The following LYST variants were observed in gnomAD, a reference collection of about 807,000 sequenced individuals.
The protein encoded by LYST is lysosomal trafficking regulator, also known as lysosomal-trafficking regulator.
LYST carries 192 observed loss-of-function variants against 413.6 expected under a neutral mutation model. The ratio of observed to expected loss-of-function variants is 0.46; its 90% CI spans 0.41 to 0.52. LYST has a LOEUF of 0.52. Among genes scored for constraint, LYST ranks in the 20% least tolerant of loss-of-function variants. The pLI is 0.00. For synonymous variants in LYST, 1,525 were observed against 1,567.3 expected (o/e 0.97, Z 0.64); for missense variants, 3,815 against 4,499.9 (o/e 0.85, Z 4.35).
At chr1:235,803,502 A>G (rs1446867748) in intron 7 of LYST, among the ~76,000 whole-genome samples, 1 of 152,064 alleles carries the variant, frequency 6.6e-6, no homozygotes, top group East Asian at 1.9e-4. Context: ...CAGACAAGAC[A>G]TTTTTTTCAA....
At chr1:235,822,754 C>A (rs971315317) in intron 3 of LYST, among the ~76,000 whole-genome samples, 7 of 152,228 alleles carry the variant, frequency 4.6e-5, no homozygotes, top group Non-Finnish European at 8.8e-5. Context: ...CTGAGCTCAA[C>A]TTGTGACTAG....
In LYST at chr1:235,738,507, T is replaced by C. The variant is rs1665021723; in HGVS notation, c.8358+2915A>G. On this transcript the variant is annotated intron_variant, in intron 31 of 52. Transcript: ENST00000389793. The stretch of plus-strand genomic sequence containing the variant: ...TGGTTGCAATCTGGACTCAGCCCAA[T>C]TCCGTTACCCAATGGGGGAAAGGCT... 12 of 1,611,974 alleles carry C rather than the reference T, an allele frequency of 7.4e-6. No homozygotes were observed. The South Asian group carries it at 8.8e-5, about 12-fold the overall frequency.
chr1:235,764,076 A>T (rs912821828), intron 21 of LYST, among the ~76,000 whole-genome samples: 8 of 152,056 alleles, frequency 5.3e-5, no homozygotes, highest in African/African-American at 1.9e-4. Context: ...CAGCAACACC[A>T]CTTTCTCCTA....
chr1:235,771,698 C>G (rs1055000337), intron 19 of LYST, among the ~76,000 whole-genome samples: 2 of 151,950 alleles, frequency 1.3e-5, no homozygotes, highest in African/African-American at 4.8e-5. Flanking sequence ...ATGAATACCA[C>G]AAAATCCAGA....
chr1:235,692,452 C>T (rs1189952917), intron 47 of LYST, among the ~76,000 whole-genome samples: 2 of 151,858 alleles, frequency 1.3e-5, no homozygotes, highest in African/African-American at 2.4e-5. Flanking sequence ...GTGATCTTGG[C>T]TCACTGCAAC....
chr1:235,720,014 A>C (rs1663210642), intron 40 of LYST, among the ~76,000 whole-genome samples: 1 of 151,842 alleles, frequency 6.6e-6, no homozygotes, highest in East Asian at 1.9e-4. Flanking sequence ...TGTCTCTACT[A>C]AAAATACAAA....
intron 38 of LYST, among the ~76,000 whole-genome samples, chr1:235,725,182 C>T (rs1663747003): frequency 6.6e-6 from 1 of 152,148 alleles, no homozygotes; most frequent in Non-Finnish European, 1.5e-5. Flanking sequence ...GCCTGTAATC[C>T]CAGCACTTTG....
At chr1:235,694,730 C>A (rs1258676119) in intron 46 of LYST, among the ~76,000 whole-genome samples, 1 of 152,136 alleles carries the variant, frequency 6.6e-6, no homozygotes, top group African/African-American at 2.4e-5. Context: ...AAAGGAACCA[C>A]ATATCATGAG....
chr1:235,872,080 G>C lies in LYST; in HGVS notation n.454+11107C>G, dbSNP rs562157954. Among the ~76,000 whole-genome samples, 15 of 152,232 alleles carry C rather than the reference G, an allele frequency of 9.9e-5. No homozygotes were observed. In the East Asian group the frequency reaches 2.7e-3, roughly 27 times the overall value. On this transcript the variant is annotated intron_variant and non_coding_transcript_variant, in intron 1 of 11. Transcript: ENST00000465349. ...GGAGGCTGAGGCGGGTGGATCACCG[G>C]AAGTCAGGAGTTCGTGACCAGCCTG...
intron 42 of LYST, chr1:235,712,576 G>C: frequency 1.0e-6 from 1 of 977,058 alleles, no homozygotes; most frequent in Non-Finnish European, 1.2e-6. Flanking sequence ...GAATAATGAA[G>C]AAGGAAGATT....
intron 50 of LYST, among the ~76,000 whole-genome samples, chr1:235,675,740 A>G (rs929143871): frequency 6.6e-6 from 1 of 152,178 alleles, no homozygotes; most frequent in African/African-American, 2.4e-5. Flanking sequence ...TGTTTTACTG[A>G]GTTCTGTGAG....
chr1:235,755,500 G>A lies in LYST; in HGVS notation c.7207C>T (p.Arg2403Ter), dbSNP rs1243690370. Residue 2403 changes from arginine (R) to a stop codon, truncating the protein, a stop_gained, in exon 25 of 53, where the codon CGA becomes TGA. Coordinates refer to ENST00000389793, the MANE Select transcript of LYST (RefSeq NM_000081.4). LOFTEE classifies it high-confidence loss of function. ...TACTCTTCATCAAGGCCAATATGTC[G>A]ACCAAAGAACATTTCGATGAAGCAT... Reference protein sequence around the residue: ...LECFIEMFFGRHIGLDEEFDL... With the variant: ...LECFIEMFFG 3 of 1,613,636 alleles carry A rather than the reference G, an allele frequency of 1.9e-6. No individual in the cohort carries two copies. Among genetic ancestry groups the A allele is most frequent in the South Asian group, 2.2e-5 (2 of 91,040 alleles).
At chr1:235,723,852 C>A (rs1663610209) in intron 39 of LYST, among the ~76,000 whole-genome samples, 176 bp downstream of exon 39, 1 of 152,204 alleles carries the variant, frequency 6.6e-6, no homozygotes, top group Non-Finnish European at 1.5e-5. Context: ...CAGAATTTAC[C>A]TCACTGTGGA....
rs1159881571 is a variant in LYST, at chr1:235,731,297, A to T, written c.8802-120T>A. ...ACTGATCTGTTAATTTAAAAACTCC[A>T]AATGTTTATATATTTGATCAGGGAA... On this transcript the variant is annotated intron_variant, in intron 34 of 52. Transcript: ENST00000389793. 2.7e-5 allele frequency: 23 copies of T among 854,502 alleles called. No homozygotes were observed. In the South Asian group the frequency reaches 3.1e-4, roughly 11 times the overall value. 52.9% of individuals were successfully genotyped at this position (854,502 alleles called of 1,614,324 possible). A position where few individuals can be genotyped will look rare whatever the true frequency, so the allele number is the denominator to read the frequency against.
At chr1:235,798,293 T>C (rs1671776059) in intron 10 of LYST, among the ~76,000 whole-genome samples, 1 of 152,058 alleles carries the variant, frequency 6.6e-6, no homozygotes, top group African/African-American at 2.4e-5. Context: ...ATCTGAATTA[T>C]GGACTTCAGT....
In LYST at chr1:235,674,403, A is replaced by G. The variant is rs1659209359; in HGVS notation, c.11038+2688T>C. Among the ~76,000 whole-genome samples the G allele has an allele frequency of 8.4e-6, 1 of 119,612 alleles. No individual in the cohort carries two copies. Among genetic ancestry groups the G allele is most frequent in the Non-Finnish European group, 1.6e-5 (1 of 62,612 alleles). The allele number at this position is 119,612 out of a possible 152,430, so 78.5% of individuals were successfully genotyped here. A position where few individuals can be genotyped will look rare whatever the true frequency, so the allele number is the denominator to read the frequency against. On this transcript the variant is annotated intron_variant, in intron 50 of 52. Coordinates refer to ENST00000389793, the MANE Select transcript of LYST (RefSeq NM_000081.4). The surrounding 1 kb of genome is among the most constrained non-coding windows in gnomAD (Gnocchi z 4.1). Reference sequence around the variant, plus strand: ...TCAACCAAATAGAAAGAACAATCGTAAAAAAAAAAAAAAAAGTGTCCCCCT... The same window carrying G: ...TCAACCAAATAGAAAGAACAATCGTGAAAAAAAAAAAAAAAGTGTCCCCCT...
At chr1:235,776,580 T>A (rs779200314) in intron 17 of LYST, among the ~76,000 whole-genome samples, 1 of 152,150 alleles carries the variant, frequency 6.6e-6, no homozygotes, top group Non-Finnish European at 1.5e-5. Context: ...ACTGTCTACT[T>A]TGCATCAGGA....
At chr1:235,715,447 C>G in intron 41 of LYST, 90 bp from the exon 42 acceptor site, 2 of 1,249,354 alleles carry the variant, frequency 1.6e-6, no homozygotes, top group Non-Finnish European at 2.3e-6. Context: ...CTCTCCTTCT[C>G]TACTACCCCT....
At position 235,767,742 on chromosome 1, in the gene LYST, G is replaced by A. The variant is rs562231902; in HGVS notation, c.5923-1465C>T. Among the ~76,000 whole-genome samples, 7 of 152,112 alleles carry A rather than the reference G, an allele frequency of 4.6e-5. 1 individual carries two copies. In the South Asian group the frequency reaches 8.3e-4, roughly 18 times the overall value. Reference sequence around the variant, plus strand: ...ATCATTTGTTCTCACTGCCTTCAATGATCTGCCACACATGCTGTCCAAAGT... The same window carrying A: ...ATCATTTGTTCTCACTGCCTTCAATAATCTGCCACACATGCTGTCCAAAGT... On this transcript the variant is annotated intron_variant, in intron 20 of 52. Coordinates refer to ENST00000389793, the MANE Select transcript of LYST (RefSeq NM_000081.4).
Sources: allele counts gnomAD v4.1 joint callset (sites outside exome capture counted in the v4.1 genomes callset), GRCh38; gene constraint gnomAD v4.1.1; non-coding constraint Gnocchi (gnomAD v3.1); transcripts MANE v1.5; gene names NCBI Gene and HGNC (gene_info 2026-07-23, HGNC 2026-07-21).